The following SDK1 variants were observed in gnomAD, a reference collection of about 807,000 sequenced individuals.
SDK1 encodes the protein protein sidekick-1.
A neutral mutation model predicts 245.5 loss-of-function variants in SDK1; 157 were observed. The observed-to-expected ratio is 0.64, with a 90% confidence interval of 0.56 to 0.73. The LOEUF (loss-of-function observed/expected upper bound fraction) is 0.73. Among genes scored for constraint, SDK1 ranks in the 30% least tolerant of loss-of-function variants. SDK1 has a pLI of 0.00. For missense variants in SDK1, 3,583 were observed against 3,002.3 expected, an observed-to-expected ratio of 1.19 and a Z score of -4.52; for synonymous variants, 1,647 against 1,278.5, an observed-to-expected ratio of 1.29 and a Z score of -6.15.
intron 4 of SDK1, among the ~76,000 whole-genome samples, chr7:3,734,953 A>T (rs944833578): frequency 1.3e-5 from 2 of 152,090 alleles, no homozygotes; most frequent in African/African-American, 4.8e-5. Context: ...TGTGTCCTTC[A>T]TTCTCCCGAC....
chr7:3,429,331 G>T (rs1258351168), intron 1 of SDK1, among the ~76,000 whole-genome samples: 1 of 152,068 alleles, frequency 6.6e-6, no homozygotes, highest in Non-Finnish European at 1.5e-5. Flanking sequence ...TTGTTAGCAG[G>T]TGTTATAGTT....
At position 3,807,363 on chromosome 7, in the gene SDK1, C is replaced by T. The variant is rs1329069009; in HGVS notation, c.714-14087C>T. Among the ~76,000 whole-genome samples, 4 of 152,158 alleles carry T rather than the reference C, an allele frequency of 2.6e-5. No individual in the cohort carries two copies. The East Asian group carries it at 7.7e-4, about 29-fold the overall frequency. ...CATAACTCGGGTGGTGTGGGGGCTC[C>T]CTCTTGAGACCCAGCATGCTGTGGT... On this transcript the variant is annotated intron_variant, in intron 4 of 44. Transcript: ENST00000404826.
intron 20 of SDK1, among the ~76,000 whole-genome samples, chr7:4,076,289 A>G (rs1780673812): frequency 1.3e-5 from 2 of 152,332 alleles, no homozygotes; most frequent in Admixed American, 6.5e-5. Flanking sequence ...GGCCGGGTAC[A>G]GTGGCTGTAA....
intron 4 of SDK1, among the ~76,000 whole-genome samples, chr7:3,784,799 C>G (rs58288719): frequency 0.021 from 3,266 of 152,212 alleles, 128 homozygotes; most frequent in African/African-American, 0.074. Context: ...TGTGGAGATT[C>G]CTCAAAAAAA....
At chr7:3,670,983 G>T (rs1409534539) in intron 4 of SDK1, among the ~76,000 whole-genome samples, 2 of 151,638 alleles carry the variant, frequency 1.3e-5, no homozygotes, top group Non-Finnish European at 2.9e-5. Flanking sequence ...ACTTTTTTTT[G>T]CCATAGTTAC....
intron 1 of SDK1, among the ~76,000 whole-genome samples, chr7:3,582,284 G>A (rs1286796034): frequency 6.6e-6 from 1 of 151,080 alleles, no homozygotes; most frequent in African/African-American, 2.4e-5. Context: ...CCTCAGGTAG[G>A]TCTGTCTCAG....
chr7:3,347,749 T>C (rs1293414104), intron 1 of SDK1, among the ~76,000 whole-genome samples: 1 of 152,192 alleles, frequency 6.6e-6, no homozygotes, highest in Non-Finnish European at 1.5e-5. Context: ...TTTTAGTAAA[T>C]TAAGAATTCA....
chr7:3,520,950 G>T (rs1782918495), intron 1 of SDK1, among the ~76,000 whole-genome samples: 1 of 152,278 alleles, frequency 6.6e-6, no homozygotes, highest in South Asian at 2.1e-4. Flanking sequence ...TCTAGGTAAG[G>T]TATGGCTGCA....
intron 22 of SDK1, among the ~76,000 whole-genome samples, chr7:4,082,403 C>T (rs62439623): frequency 0.016 from 2,437 of 151,976 alleles, 37 homozygotes; most frequent in South Asian, 0.036. Context: ...GGCATGGTGG[C>T]GCACGTCTGT....
intron 22 of SDK1, among the ~76,000 whole-genome samples, chr7:4,099,891 T>C (rs1293743075): frequency 6.6e-6 from 1 of 151,666 alleles, no homozygotes; most frequent in African/African-American, 2.4e-5. Context: ...CTCGCTGGCA[T>C]GTGCCGGAGT....
intron 4 of SDK1, among the ~76,000 whole-genome samples, chr7:3,730,197 A>G (rs1779138655): frequency 6.6e-6 from 1 of 152,166 alleles, no homozygotes; most frequent in African/African-American, 2.4e-5. Context: ...TGTAGCTGAA[A>G]CAAACAGTCT....
chr7:3,346,711 G>GTA (rs1780508640), intron 1 of SDK1, among the ~76,000 whole-genome samples: 1 of 122,318 alleles, frequency 8.2e-6, no homozygotes, highest in African/African-American at 3.5e-5. Context: ...TTGTGTGTGT[G>GTA]TGTATATATG....
chr7:4,124,039 T>A (rs1784231208), intron 25 of SDK1, among the ~76,000 whole-genome samples: 1 of 152,218 alleles, frequency 6.6e-6, no homozygotes, highest in Non-Finnish European at 1.5e-5. Context: ...TGAGGCTTAG[T>A]CATCCTCAGC....
chr7:3,913,584 T>C (rs567349335), intron 5 of SDK1, among the ~76,000 whole-genome samples: 14 of 152,236 alleles, frequency 9.2e-5, no homozygotes, highest in South Asian at 2.1e-4. Context: ...TGAGCCACCG[T>C]GCCCGGCCCT....
intron 1 of SDK1, among the ~76,000 whole-genome samples, chr7:3,425,828 C>T (rs1222982223): frequency 6.6e-6 from 1 of 152,156 alleles, no homozygotes; most frequent in Non-Finnish European, 1.5e-5. Context: ...CTTTTACCTA[C>T]ACTTCCTTAG....
chr7:4,115,319 T>C (rs1050204684), intron 25 of SDK1, among the ~76,000 whole-genome samples: 1 of 152,128 alleles, frequency 6.6e-6, no homozygotes, highest in Non-Finnish European at 1.5e-5. Context: ...CTGTTAGAAA[T>C]ACAACTTAAA....
chr7:4,075,561 C>T (rs187332095), intron 20 of SDK1, among the ~76,000 whole-genome samples: 93 of 152,170 alleles, frequency 6.1e-4, no homozygotes, highest in African/African-American at 2.0e-3. Context: ...ACCACTGTCT[C>T]CCTCTTTAAA....
intron 8 of SDK1, among the ~76,000 whole-genome samples, chr7:3,962,311 A>G (rs7783231): frequency 0.034 from 5,156 of 152,260 alleles, 304 homozygotes; most frequent in African/African-American, 0.12. Flanking sequence ...TGAGTAGGGC[A>G]CTGCAGAGCA....
chr7:4,052,238 C>A (rs1034774298), intron 19 of SDK1, among the ~76,000 whole-genome samples: 3 of 150,986 alleles, frequency 2.0e-5, no homozygotes, highest in African/African-American at 7.3e-5. Context: ...TTCCCCACGC[C>A]CTTCTAAGCT....
Sources: gnomAD v4.1 joint callset for allele counts (sites outside exome capture counted in the v4.1 genomes callset) on GRCh38, gnomAD v4.1.1 for gene constraint, MANE v1.5 for transcripts, NCBI Gene and HGNC (gene_info 2026-07-23, HGNC 2026-07-21) for gene names.